Variants in CLYBL observed in about 807,000 individuals in gnomAD.
The protein encoded by CLYBL is citramalyl-CoA lyase, mitochondrial.
In CLYBL, 31 loss-of-function variants were observed where a neutral mutation model predicts 38.9. That is an observed-to-expected ratio of 0.80 (90% CI 0.60 to 1.08). CLYBL has a LOEUF of 1.08. CLYBL is among the 50% of genes least tolerant of loss of function. The probability of loss-of-function intolerance (pLI) is 0.00; values close to 1 mark genes in which losing one functional copy is unlikely to be tolerated. For synonymous variants in CLYBL, 171 were observed against 158.6 expected, an observed-to-expected ratio of 1.08 and a Z score of -0.59; for missense variants, 434 against 411.6, an observed-to-expected ratio of 1.05 and a Z score of -0.47.
At chr13:99,858,293 G>A (rs2051508544) in intron 2 of CLYBL, among the ~76,000 whole-genome samples, 1 of 152,178 alleles carries the variant, frequency 6.6e-6, no homozygotes, top group Non-Finnish European at 1.5e-5. Flanking sequence ...AGTACACATT[G>A]TCAGATTCCT....
intron 1 of CLYBL, among the ~76,000 whole-genome samples, chr13:99,753,350 G>A (rs2048991995): frequency 6.6e-6 from 1 of 152,166 alleles, no homozygotes; most frequent in Non-Finnish European, 1.5e-5. Flanking sequence ...GACTGGCTGT[G>A]GTGTGGAGAA....
rs142043393 is a variant in CLYBL at position 99,881,701 on chromosome 13, C to T, written c.928-9617C>T. Reference sequence around the variant, plus strand: ...CTTGGTCTCCCAAAGTGATTACAAGCGTTGAGCCACTGTGCCCAGCCTTCA... The same window carrying T: ...CTTGGTCTCCCAAAGTGATTACAAGTGTTGAGCCACTGTGCCCAGCCTTCA... On this transcript the variant is annotated intron_variant, in intron 7 of 8. Transcript: ENST00000339105. Among the ~76,000 whole-genome samples, 435 of 151,896 alleles carry T rather than the reference C, an allele frequency of 2.9e-3. 2 individuals are homozygous for T. The highest frequency in any genetic ancestry group is 9.5e-3 in the African/African-American group (394 of 41,396).
At chr13:99,790,085 G>A (rs2049884358) in intron 2 of CLYBL, among the ~76,000 whole-genome samples, 1 of 151,942 alleles carries the variant, frequency 6.6e-6, no homozygotes, top group African/African-American at 2.4e-5. Flanking sequence ...TTGAGCTTAT[G>A]TGTGTCTCTG....
intron 2 of CLYBL, among the ~76,000 whole-genome samples, chr13:99,827,027 G>A (rs536719698): frequency 6.6e-6 from 1 of 151,028 alleles, no homozygotes; most frequent in African/African-American, 2.5e-5. Context: ...CCCTGTTTAA[G>A]TTATTATTTT....
chr13:99,707,811 A>C (rs1034983732), intron 1 of CLYBL, among the ~76,000 whole-genome samples: 15 of 152,144 alleles, frequency 9.9e-5, no homozygotes, highest in African/African-American at 3.6e-4. Context: ...TACATTTGAA[A>C]GTCATTTCAG....
chr13:99,644,993 T>C (rs1034219820), intron 1 of CLYBL, among the ~76,000 whole-genome samples: 3 of 152,216 alleles, frequency 2.0e-5, no homozygotes, highest in East Asian at 3.8e-4. Flanking sequence ...AGTGCAGATA[T>C]CTCTTCAATA....
At chr13:99,615,130 C>T (rs1416516057) in intron 1 of CLYBL, among the ~76,000 whole-genome samples, 2 of 152,240 alleles carry the variant, frequency 1.3e-5, no homozygotes, top group Non-Finnish European at 2.9e-5. Flanking sequence ...CAAGACATGA[C>T]CCATATCCAT....
intron 1 of CLYBL, among the ~76,000 whole-genome samples, chr13:99,750,728 CTT>C (rs1555299689): frequency 8.1e-6 from 1 of 123,470 alleles, no homozygotes; most frequent in African/African-American, 3.6e-5. Flanking sequence ...ATAATGCCCT[CTT>C]TTTTTAAAAA....
At chr13:99,689,273 G>A (rs758997321) in intron 1 of CLYBL, among the ~76,000 whole-genome samples, 1 of 152,200 alleles carries the variant, frequency 6.6e-6, no homozygotes, top group South Asian at 2.1e-4. Flanking sequence ...GAATGGAGAG[G>A]CATCACGCTT....
intron 1 of CLYBL, among the ~76,000 whole-genome samples, chr13:99,741,168 A>G (rs1232171144): frequency 1.3e-5 from 2 of 152,210 alleles, no homozygotes; most frequent in Non-Finnish European, 2.9e-5. Context: ...TAGGAATCTT[A>G]AAGCTAGTGG....
At chr13:99,621,986 CT>C (rs769579601) in intron 1 of CLYBL, among the ~76,000 whole-genome samples, 1 of 152,184 alleles carries the variant, frequency 6.6e-6, no homozygotes, top group Non-Finnish European at 1.5e-5. Flanking sequence ...TCTGGCAGTT[CT>C]AGGGGTGATC....
chr13:99,648,024 A>G (rs952607941), intron 1 of CLYBL, among the ~76,000 whole-genome samples: 2 of 152,290 alleles, frequency 1.3e-5, no homozygotes, highest in African/African-American at 4.8e-5. Context: ...AATAATTTCT[A>G]TCTTAAAGTC....
At chr13:99,630,062 T>C in intron 1 of CLYBL, among the ~76,000 whole-genome samples, 1 of 138,684 alleles carries the variant, frequency 7.2e-6, no homozygotes, top group East Asian at 3.0e-4. Context: ...ATGTGGCTTC[T>C]CTGCCTAGGT....
chr13:99,827,951 A>C (rs2050728350), intron 2 of CLYBL, among the ~76,000 whole-genome samples: 1 of 152,192 alleles, frequency 6.6e-6, no homozygotes, highest in Non-Finnish European at 1.5e-5. Context: ...ATACATTAGA[A>C]AATTGCATAG....
At chr13:99,630,510 G>T (rs1360729349) in intron 1 of CLYBL, among the ~76,000 whole-genome samples, 2 of 152,184 alleles carry the variant, frequency 1.3e-5, no homozygotes, top group Non-Finnish European at 2.9e-5. Flanking sequence ...TGGCAAGGAT[G>T]AACTTTGCCT....
At chr13:99,870,281 T>G (rs2051850356) in intron 6 of CLYBL, among the ~76,000 whole-genome samples, 4 of 152,178 alleles carry the variant, frequency 2.6e-5, no homozygotes, top group Admixed American at 2.6e-4. Flanking sequence ...AGTGTTCAAA[T>G]CTGCCTTCTA....
chr13:99,629,219 A>T (rs538648715), intron 1 of CLYBL, among the ~76,000 whole-genome samples: 4 of 152,338 alleles, frequency 2.6e-5, no homozygotes, highest in Admixed American at 2.6e-4. Context: ...ACAGGGGGCT[A>T]TCCCAGCTTC....
At position 99,661,811 on chromosome 13, in the gene CLYBL, T is replaced by A. The variant is rs143942098; in HGVS notation, c.62+55054T>A. Among the ~76,000 whole-genome samples, 969 of 152,306 alleles carry A rather than the reference T, an allele frequency of 6.4e-3. 30 individuals are homozygous for A. Among genetic ancestry groups the A allele is most frequent in the Admixed American group, 0.058 (891 of 15,298 alleles). On this transcript the variant is annotated intron_variant, in intron 1 of 8. Transcript: ENST00000339105. ...ATGTTTTCAAGGTCTCTAAACAAAG[T>A]CTGATGTGTTAACAGTCTTATTAAC...
chr13:99,880,844 A>T (rs930427350), intron 7 of CLYBL, among the ~76,000 whole-genome samples: 2 of 152,164 alleles, frequency 1.3e-5, no homozygotes, highest in Non-Finnish European at 2.9e-5. Flanking sequence ...GACGGGAGGG[A>T]TAAAGAGGAG....
Sources: allele counts gnomAD v4.1 joint callset (sites outside exome capture counted in the v4.1 genomes callset), GRCh38; gene constraint gnomAD v4.1.1; transcripts MANE v1.5; gene names NCBI Gene and HGNC (gene_info 2026-07-23, HGNC 2026-07-21).